INPP5D: variants seen among roughly 807,000 people sequenced by gnomAD.
INPP5D encodes inositol polyphosphate-5-phosphatase D, also known as phosphatidylinositol 3,4,5-trisphosphate 5-phosphatase 1.
In INPP5D, 33 loss-of-function variants were observed where a neutral mutation model predicts 122.9. The ratio of observed to expected loss-of-function variants is 0.27; its 90% confidence interval spans 0.20 to 0.36. The LOEUF (loss-of-function observed/expected upper bound fraction) is 0.36, where lower values mean the gene tolerates loss of function less well. Ranked by LOEUF, INPP5D falls within the 10% of genes least tolerant of loss-of-function variation. The pLI is 1.00. For missense variants in INPP5D, 1,053 were observed against 1,412.7 expected (o/e 0.75, Z 4.08); for synonymous variants, 584 against 576.2 (o/e 1.01, Z -0.19).
chr2:233,088,714 G>A (rs554270588), intron 2 of INPP5D, among the ~76,000 whole-genome samples: 1 of 152,342 alleles, frequency 6.6e-6, no homozygotes, highest in African/African-American at 2.4e-5. Context: ...TCAGCTCGCT[G>A]ACACCAACAT....
At chr2:233,154,054 T>C (rs1693987703) in intron 9 of INPP5D, among the ~76,000 whole-genome samples, 1 of 152,194 alleles carries the variant, frequency 6.6e-6, no homozygotes, top group African/African-American at 2.4e-5. Flanking sequence ...CCCACCTCAC[T>C]GTTGGACACA....
At chr2:233,174,278 G>A (rs998571321) in intron 17 of INPP5D, among the ~76,000 whole-genome samples, 2 of 152,188 alleles carry the variant, frequency 1.3e-5, no homozygotes, top group African/African-American at 4.8e-5. Flanking sequence ...CAGTGCAGTG[G>A]GCTGGTTTGC....
chr2:233,191,045 G>A (rs1377096357), intron 22 of INPP5D, among the ~76,000 whole-genome samples: 3 of 152,212 alleles, frequency 2.0e-5, no homozygotes, highest in Non-Finnish European at 4.4e-5. Flanking sequence ...TGGGGAAAGG[G>A]TCTGTATTAG....
intron 3 of INPP5D, among the ~76,000 whole-genome samples, chr2:233,124,664 C>G (rs1029625016): frequency 1.3e-5 from 2 of 152,214 alleles, no homozygotes; most frequent in Non-Finnish European, 2.9e-5. Context: ...TCTGCAGAAA[C>G]GCCCTCCACA....
chr2:233,200,869 G>A (rs1361486896), intron 25 of INPP5D, among the ~76,000 whole-genome samples: 1 of 152,008 alleles, frequency 6.6e-6, no homozygotes, highest in African/African-American at 2.4e-5. Context: ...TCTGAGACAC[G>A]AGAATCGCTT....
intron 22 of INPP5D, among the ~76,000 whole-genome samples, chr2:233,193,556 C>T (rs902190433): frequency 3.9e-5 from 6 of 152,168 alleles, no homozygotes; most frequent in African/African-American, 7.2e-5. Context: ...TTCCCTACAG[C>T]GATCAGATGA....
chr2:233,171,321 C>T, intron 17 of INPP5D, 169 bp downstream of exon 17: 1 of 978,332 alleles, frequency 1.0e-6, no homozygotes, highest in South Asian at 1.9e-5. Flanking sequence ...GGAAGCCACA[C>T]TTGTGCACTG....
chr2:233,167,834 G>C (rs543731735), intron 13 of INPP5D, among the ~76,000 whole-genome samples: 1 of 151,900 alleles, frequency 6.6e-6, no homozygotes, highest in African/African-American at 2.4e-5. Flanking sequence ...GTGAAACCTC[G>C]TCTCTACTAA....
At chr2:233,172,193 A>G (rs1694507528) in intron 17 of INPP5D, among the ~76,000 whole-genome samples, 1 of 152,230 alleles carries the variant, frequency 6.6e-6, no homozygotes, top group African/African-American at 2.4e-5. Context: ...GCACTGTCAG[A>G]GCAGGTCCTT....
chr2:233,075,763 A>G (rs1574705389), intron 1 of INPP5D, among the ~76,000 whole-genome samples: 1 of 151,938 alleles, frequency 6.6e-6, no homozygotes, highest in African/African-American at 2.4e-5. Flanking sequence ...GGCGGGGCTG[A>G]TGGGGTGTGT....
chr2:233,197,321 T>G lies in INPP5D; in HGVS notation c.2694-774T>G, dbSNP rs909183666. On this transcript the variant is annotated intron_variant, in intron 24 of 26. Transcript: ENST00000445964. This position sits in a 1 kb window ranked among gnomAD's most constrained non-coding sequence, Gnocchi z 4.4. ...CCCCAATTCCAGGCTCCAACCTTGA[T>G]CTCTGTGACCTCACACTCATTTTTC... Among the ~76,000 whole-genome samples, 1 of 152,214 alleles carries G rather than the reference T, an allele frequency of 6.6e-6. No individual in the cohort carries two copies. Among genetic ancestry groups the G allele is most frequent in the African/African-American group, 2.4e-5 (1 of 41,456 alleles).
At position 233,105,819 on chromosome 2, in the gene INPP5D, T is replaced by C. The variant is rs1189860439; in HGVS notation, c.199-16288T>C. 6.6e-6 allele frequency among the ~76,000 whole-genome samples: 1 copy of C among 151,842 alleles called. No individual in the cohort carries two copies. Among genetic ancestry groups the C allele is most frequent in the Non-Finnish European group, 1.5e-5 (1 of 67,936 alleles). On this transcript the variant is annotated intron_variant, in intron 2 of 26. Coordinates refer to ENST00000445964, the MANE Select transcript of INPP5D (RefSeq NM_001017915.3). The surrounding 1 kb of genome is among the most constrained non-coding windows in gnomAD (Gnocchi z 4.0). ...GAGGGTGCCAGGGAGAGAGTGGCTC[T>C]GGGGGGCCACAGTGGGGTTCTGGCT...
chr2:233,097,570 TA>T (rs1167687421), intron 2 of INPP5D, among the ~76,000 whole-genome samples: 1 of 152,228 alleles, frequency 6.6e-6, no homozygotes, highest in Non-Finnish European at 1.5e-5. Flanking sequence ...TAGCTTTAAT[TA>T]CCTTTGCAAA....
chr2:233,080,742 G>A (rs1691663158), intron 2 of INPP5D, among the ~76,000 whole-genome samples: 1 of 152,180 alleles, frequency 6.6e-6, no homozygotes, highest in African/African-American at 2.4e-5. Flanking sequence ...GGTGTGGGGA[G>A]ACCACAGGCA....
At position 233,158,881 on chromosome 2, in the gene INPP5D, G is replaced by A. The variant is rs532225924; in HGVS notation, c.1137+462G>A. 4.6e-5 allele frequency among the ~76,000 whole-genome samples: 7 copies of A among 152,156 alleles called. No individual in the cohort carries two copies. In the South Asian group the frequency reaches 1.2e-3, roughly 27 times the overall value. On this transcript the variant is annotated intron_variant, in intron 10 of 26. Coordinates refer to ENST00000445964, the MANE Select transcript of INPP5D (RefSeq NM_001017915.3). ...GCAGCCTCCACCTCCTGGGCTCAAGGGATCCCCCCACCCACCTCAGCTGAG... is the reference window on the plus strand; with the variant it reads ...GCAGCCTCCACCTCCTGGGCTCAAGAGATCCCCCCACCCACCTCAGCTGAG...
rs746025849 is a variant in INPP5D at position 233,163,877 on chromosome 2, G to C, written c.1411G>C (p.Glu471Gln). The C allele has an allele frequency of 8.7e-6, 14 of 1,613,744 alleles. No homozygotes were observed. The East Asian group carries it at 2.7e-4, about 31-fold the overall frequency. Residue 471 changes from glutamate to glutamine, a missense_variant, in exon 12 of 27, where the codon GAA becomes CAA. Glu to Gln is a conservative substitution (Grantham distance 29). Around this residue, in one of 6 missense-constraint regions of INPP5D, gnomAD observed 105 missense variants for 199.8 expected, o/e 0.53. Coordinates refer to ENST00000445964, the MANE Select transcript of INPP5D (RefSeq NM_001017915.3). Reference protein sequence around the residue: ...WLEILKHSLQEITSVTFKTVA... With the variant: ...WLEILKHSLQQITSVTFKTVA... Reference sequence around the variant, plus strand: ...GGAGATCCTCAAACACTCCCTGCAAGAAATCACCAGTGTGACTTTTAAAAC... The same window carrying C: ...GGAGATCCTCAAACACTCCCTGCAACAAATCACCAGTGTGACTTTTAAAAC...
At chr2:233,071,091 T>C (rs559696191) in intron 1 of INPP5D, among the ~76,000 whole-genome samples, 2 of 151,864 alleles carry the variant, frequency 1.3e-5, no homozygotes, top group South Asian at 4.2e-4. Flanking sequence ...CTGGCTAACA[T>C]AGTGAAATCC....
chr2:233,195,374 C>G, intron 23 of INPP5D, 25 bp from the exon 24 acceptor site: 1 of 1,613,682 alleles, frequency 6.2e-7, no homozygotes, highest in East Asian at 2.2e-5. Flanking sequence ...CCCTCACATG[C>G]TCTTTCCCGT....
chr2:233,107,339 C>T (rs565690040), intron 2 of INPP5D, among the ~76,000 whole-genome samples: 29 of 152,280 alleles, frequency 1.9e-4, no homozygotes, highest in Middle Eastern at 3.4e-3. Flanking sequence ...TACTCCAGGC[C>T]CCCATTGGCT....
Sources: allele counts gnomAD v4.1 joint callset (sites outside exome capture counted in the v4.1 genomes callset), GRCh38; gene constraint gnomAD v4.1.1; regional missense constraint gnomAD v4.1.1; non-coding constraint Gnocchi (gnomAD v3.1); transcripts MANE v1.5; gene names NCBI Gene and HGNC (gene_info 2026-07-23, HGNC 2026-07-21).